BYSL: variants seen among roughly 807,000 people sequenced by gnomAD.
BYSL encodes the protein bystin.
A neutral mutation model predicts 45.4 loss-of-function variants in BYSL; 21 were observed. The ratio of observed to expected loss-of-function variants is 0.46; its 90% CI spans 0.33 to 0.67. The LOEUF (loss-of-function observed/expected upper bound fraction) is 0.67, where lower values mean the gene tolerates loss of function less well. BYSL is among the 30% of genes least tolerant of loss of function. The probability of loss-of-function intolerance (pLI) is 0.02; values close to 1 mark genes in which losing one functional copy is unlikely to be tolerated. For synonymous variants in BYSL, 215 were observed against 231.3 expected (o/e 0.93, Z 0.64); for missense variants, 522 against 578.5 (o/e 0.90, Z 1.00).
At chr6:41,917,308 G>A (rs1775339531), upstream of BYSL, 1 of 172,268 alleles carries the variant, frequency 5.8e-6, no homozygotes, top group African/African-American at 2.4e-5. Flanking sequence ...GCTCAGGCAG[G>A]AGAATCATTT....
At position 41,925,187 on chromosome 6, in the gene BYSL, A is replaced by G. The variant is rs116146708; in HGVS notation, c.269-2187A>G. Among the ~76,000 whole-genome samples, 575 of 152,240 alleles carry G rather than the reference A, an allele frequency of 3.8e-3. 4 individuals carry two copies. Among genetic ancestry groups the G allele is most frequent in the African/African-American group, 0.013 (557 of 41,534 alleles). Reference sequence around the variant, plus strand: ...AAGTACAAATTTGGGGGACCGTTGGAACGTGGAGACAAAATGTCTGTTCCC... The same window carrying G: ...AAGTACAAATTTGGGGGACCGTTGGGACGTGGAGACAAAATGTCTGTTCCC... On this transcript the variant is annotated intron_variant, in intron 1 of 6. Transcript: ENST00000230340.
chr6:41,921,960 C>G, intron 1 of BYSL, 130 bp downstream of exon 1: 1 of 1,337,624 alleles, frequency 7.5e-7, no homozygotes, highest in Non-Finnish European at 9.9e-7. Context: ...GCAAAGGAGA[C>G]TGAACCCTGT....
chr6:41,920,725 C>T (rs1209145465), upstream of BYSL: 8 of 352,202 alleles, frequency 2.3e-5, no homozygotes, highest in African/African-American at 6.4e-5. Context: ...GAGCCAAGAT[C>T]GCTCCACTGC....
At chr6:41,926,583 T>C (rs1479695070) in intron 1 of BYSL, among the ~76,000 whole-genome samples, 3 of 151,748 alleles carry the variant, frequency 2.0e-5, no homozygotes, top group Non-Finnish European at 4.4e-5. Flanking sequence ...TCCAAATAGC[T>C]GGGACTACAG....
At chr6:41,921,407 G>T (rs1775463519), upstream of BYSL, 5 of 1,055,116 alleles carry the variant, frequency 4.7e-6, no homozygotes, top group Non-Finnish European at 6.7e-6. Context: ...CTTTTAGTGG[G>T]AGGGGCGGCG....
At position 41,932,528 on chromosome 6, in the gene BYSL, A is replaced by G. The variant is rs1456298779; in HGVS notation, c.1136A>G (p.His379Arg). Residue 379 changes from histidine to arginine, a missense_variant, in exon 7 of 7, where the codon CAC becomes CGC. By Grantham distance (29) the His-to-Arg change is conservative (BLOSUM62 0). Transcript: ENST00000230340. This position sits in a 1 kb window ranked among gnomAD's most constrained non-coding sequence, Gnocchi z 4.7. ...AAGCGTGAACTGCCTGTGCTGTGGC[A>G]CCAGTGCCTCCTGACTTTGGTCCAG... The part of the protein sequence containing the change: ...TEKRELPVLW[H>R]QCLLTLVQRY... The G allele has an allele frequency of 1.2e-6, 2 of 1,614,172 alleles. No individual in the cohort carries two copies. The highest frequency in any genetic ancestry group is 1.7e-5 in the Admixed American group (1 of 60,026).
In BYSL at chr6:41,930,606, G is replaced by C. The variant is rs775166385; in HGVS notation, c.571-29G>C. The C allele has an allele frequency of 4.4e-6, 7 of 1,589,614 alleles. No individual in the cohort carries two copies. The East Asian group carries it at 1.6e-4, about 36-fold the overall frequency. The stretch of plus-strand genomic sequence containing the variant: ...AGCAAGCTTGCCATATGTGGATGAC[G>C]ATGATTGTTTTACCTCCCTCATCCC... On this transcript the variant is annotated intron_variant, in intron 3 of 6. Transcript: ENST00000230340.
upstream of BYSL, among the ~76,000 whole-genome samples, chr6:41,919,128 CA>C (rs35512146): frequency 0.026 from 1,185 of 44,906 alleles, 4 homozygotes; most frequent in African/African-American, 0.046. Context: ...GACTCTGCCT[CA>C]AAAAAAAAAA....
chr6:41,915,603 C>T, the BYSL span, among the ~76,000 whole-genome samples: 24 of 152,224 alleles, frequency 1.6e-4, no homozygotes, highest in South Asian at 4.1e-4. Context: ...CTGGCTAACA[C>T]GGTGAAACCC....
the BYSL span, among the ~76,000 whole-genome samples, chr6:41,915,151 G>A: frequency 6.6e-6 from 1 of 152,142 alleles, no homozygotes; most frequent in Non-Finnish European, 1.5e-5. Flanking sequence ...AAGAACACAA[G>A]GGCCAGGCAT....
At chr6:41,918,943 G>T (rs1215139131), upstream of BYSL, among the ~76,000 whole-genome samples, 1 of 110,532 alleles carries the variant, frequency 9.0e-6, no homozygotes, top group Non-Finnish European at 1.8e-5. Flanking sequence ...GACAGAGCGA[G>T]ACTCCGTCTC....
chr6:41,910,832 G>A, the BYSL span, among the ~76,000 whole-genome samples: 1 of 151,614 alleles, frequency 6.6e-6, no homozygotes, highest in African/African-American at 2.4e-5. Flanking sequence ...AATCAGGCTG[G>A]GCACAGTGGC....
intron 2 of BYSL, among the ~76,000 whole-genome samples, chr6:41,928,503 C>G (rs1219553085): frequency 6.6e-6 from 1 of 152,204 alleles, no homozygotes; most frequent in Non-Finnish European, 1.5e-5. Context: ...CAGGTTCTCA[C>G]TCAGCACCTC....
Position 41,921,592 on chromosome 6 carries a change from G to T in BYSL, c.30G>T (p.Val10=), listed in dbSNP as rs1775473909. ...CCAAATTCAAGGCGGCCCGTGGGGT[G>T]GGGGGTCAGGAAAAACATGCGCCCC... is the stretch of plus-strand genomic sequence containing the variant. MPKFKAARG[V]GGQEKHAPLA... is the part of the protein sequence containing the mutation. Residue 10 remains valine (V), a synonymous_variant, in exon 1 of 7, where the codon GTG becomes GTT. Coordinates refer to ENST00000230340, the MANE Select transcript of BYSL (RefSeq NM_004053.4). 4 of 1,595,454 alleles carry T rather than the reference G, an allele frequency of 2.5e-6. No homozygotes were observed. The South Asian group carries it at 3.3e-5, about 13-fold the overall frequency.
upstream of BYSL, chr6:41,920,904 A>T: frequency 1.4e-6 from 2 of 1,455,424 alleles, no homozygotes; most frequent in Admixed American, 2.1e-5. Context: ...ACCCGAGGAC[A>T]TCTCCCTCAG....
At chr6:41,926,384 T>C (rs1775563676) in intron 1 of BYSL, among the ~76,000 whole-genome samples, 2 of 152,170 alleles carry the variant, frequency 1.3e-5, no homozygotes, top group Non-Finnish European at 2.9e-5. Context: ...TATCCACTTC[T>C]TGGGTTTATT....
the BYSL span, among the ~76,000 whole-genome samples, chr6:41,910,906 C>T: frequency 6.6e-6 from 1 of 151,634 alleles, no homozygotes; most frequent in Non-Finnish European, 1.5e-5. Flanking sequence ...GTCAGGAGTT[C>T]GAGACCAGCC....
rs116771173 is a variant in BYSL at position 41,923,298 on chromosome 6, T to C, written c.268+1468T>C. Reference sequence around the variant, plus strand: ...CTGGGACCACAGGTGTGTGCCACCATGTCCAACTAATTCTTTTTTTTTTTT... The same window carrying C: ...CTGGGACCACAGGTGTGTGCCACCACGTCCAACTAATTCTTTTTTTTTTTT... On this transcript the variant is annotated intron_variant, in intron 1 of 6. Coordinates refer to ENST00000230340, the MANE Select transcript of BYSL (RefSeq NM_004053.4). 7.6e-3 allele frequency among the ~76,000 whole-genome samples: 1,133 copies of C among 149,904 alleles called. 13 individuals are homozygous for C. The highest frequency in any genetic ancestry group is 0.026 in the African/African-American group (1,067 of 40,346).
chr6:41,916,952 G>C (rs1463245027), upstream of BYSL: 1 of 1,613,412 alleles, frequency 6.2e-7, no homozygotes, highest in Non-Finnish European at 8.5e-7. Flanking sequence ...GGAAAGGAGA[G>C]CACCAAATCG....
Sources: allele counts gnomAD v4.1 joint callset (sites outside exome capture counted in the v4.1 genomes callset), GRCh38; gene constraint gnomAD v4.1.1; non-coding constraint Gnocchi (gnomAD v3.1); transcripts MANE v1.5; gene names NCBI Gene and HGNC (gene_info 2026-07-23, HGNC 2026-07-21).